PRRG1: variants seen among roughly 807,000 people sequenced by gnomAD.
PRRG1 encodes the protein proline rich and Gla domain 1.
Under a neutral mutation model 11.8 loss-of-function variants are expected in PRRG1, and 5 were observed. The observed-to-expected ratio is 0.42, with a 90% CI of 0.22 to 0.89. The LOEUF is 0.89. Among genes scored for constraint, PRRG1 ranks in the 40% least tolerant of loss-of-function variants. PRRG1 has a pLI of 0.28. For missense variants in PRRG1, 155 were observed against 166.1 expected, an observed-to-expected ratio of 0.93 and a Z score of 0.37; for synonymous variants, 66 against 60.4, an observed-to-expected ratio of 1.09 and a Z score of -0.43.
At chrX:37,375,820 T>C (rs1238355075) in intron 1 of PRRG1, among the ~76,000 whole-genome samples, 1 of 111,575 alleles carries the variant, frequency 9.0e-6, no homozygotes, top group Non-Finnish European at 1.9e-5. Flanking sequence ...CCTGATAGGG[T>C]TCCTGGAGCT....
intron 1 of PRRG1, among the ~76,000 whole-genome samples, chrX:37,389,995 C>G (rs782017253): frequency 3.8e-4 from 42 of 111,930 alleles, no homozygotes; most frequent in African/African-American, 1.3e-3. Flanking sequence ...GCTGCTATAA[C>G]AAAATACTTT....
intron 3 of PRRG1, among the ~76,000 whole-genome samples, chrX:37,434,915 A>G (rs1360647030): frequency 8.9e-6 from 1 of 111,771 alleles, no homozygotes; most frequent in Non-Finnish European, 1.9e-5. Context: ...AGAACTTTTA[A>G]TCGTATATAA....
In PRRG1 at chrX:37,425,953, T is replaced by C. The variant is rs1195605806; in HGVS notation, c.124T>C (p.Cys42Arg). ...TGAGCGTGAGTGCAAAGAAGAATTCTGTACATTTGAAGAAGCAAGAGAAGC... is the reference window on the plus strand; with the variant it reads ...TGAGCGTGAGTGCAAAGAAGAATTCCGTACATTTGAAGAAGCAAGAGAAGC... ...NIERECKEEF[C>R]TFEEAREAFE... is the part of the protein sequence containing the mutation. The change falls in exon 3 of 4, where the codon TGT (cysteine) becomes CGT (arginine). Residue 42 changes from cysteine (C) to arginine (R), a missense_variant. Cys to Arg is a radical substitution (Grantham distance 180). Coordinates refer to ENST00000378628, the MANE Select transcript of PRRG1 (RefSeq NM_001142395.2). 1 of 1,197,323 alleles carries C rather than the reference T, an allele frequency of 8.4e-7. No individual in the cohort carries two copies. Among genetic ancestry groups the C allele is most frequent in the Non-Finnish European group, 1.1e-6 (1 of 889,826 alleles).
chrX:37,426,610 G>A (rs937150547), intron 3 of PRRG1, among the ~76,000 whole-genome samples: 1 of 111,729 alleles, frequency 9.0e-6, no homozygotes, highest in Non-Finnish European at 1.9e-5. Context: ...TGCTAAACAA[G>A]TGGTGTCACT....
At chrX:37,433,057 T>G (rs1332590316) in intron 3 of PRRG1, among the ~76,000 whole-genome samples, 3 of 111,723 alleles carry the variant, frequency 2.7e-5, no homozygotes, top group Admixed American at 9.5e-5. Context: ...ACCTTTCTAC[T>G]TGTTATCACT....
intron 1 of PRRG1, among the ~76,000 whole-genome samples, chrX:37,400,012 C>G (rs1209898289): frequency 1.8e-5 from 2 of 110,337 alleles, no homozygotes; most frequent in Non-Finnish European, 3.8e-5. Flanking sequence ...AAGAGACTTA[C>G]ACTCCCACAC....
At chrX:37,354,987 C>A (rs1419057063) in intron 1 of PRRG1, among the ~76,000 whole-genome samples, 2 of 111,043 alleles carry the variant, frequency 1.8e-5, no homozygotes, top group Non-Finnish European at 3.8e-5. Context: ...ACACGGCTCA[C>A]TGAAGCCTCA....
intron 1 of PRRG1, among the ~76,000 whole-genome samples, chrX:37,377,295 G>A (rs1206112215): frequency 9.0e-6 from 1 of 111,631 alleles, no homozygotes; most frequent in Non-Finnish European, 1.9e-5. Context: ...GTAGGGAATA[G>A]TGGACCAGGT....
intron 1 of PRRG1, chrX:37,403,847 C>CT (rs781961314): frequency 3.4e-6 from 2 of 586,873 alleles, no homozygotes; most frequent in Non-Finnish European, 4.1e-6. Context: ...TTTTATCTCT[C>CT]TAAGAAAATT....
chrX:37,403,566 A>G (rs1289046667), intron 1 of PRRG1, among the ~76,000 whole-genome samples: 1 of 107,308 alleles, frequency 9.3e-6, no homozygotes, highest in African/African-American at 3.4e-5. Context: ...CCAGCATGGC[A>G]CATGTATACA....
At chrX:37,446,697 C>T (rs1569449933) in intron 3 of PRRG1, among the ~76,000 whole-genome samples, 1 of 111,406 alleles carries the variant, frequency 9.0e-6, no homozygotes, top group East Asian at 2.8e-4. Flanking sequence ...GCTGACAGTT[C>T]TGCAGGCTGG....
chrX:37,370,395 C>A lies in PRRG1; in HGVS notation c.-42+21000C>A, dbSNP rs185768382. Among the ~76,000 whole-genome samples the A allele has an allele frequency of 2.2e-3, 249 of 111,777 alleles. 1 individual carries two copies. Among genetic ancestry groups the A allele is most frequent in the African/African-American group, 7.6e-3 (233 of 30,762 alleles). ...GGCGCAGTGGCCCACCTAGAGCAGT[C>A]GCTGCCATGACACTGGCTGCAGTGG... On this transcript the variant is annotated intron_variant, in intron 1 of 3. Coordinates refer to ENST00000378628, the MANE Select transcript of PRRG1 (RefSeq NM_001142395.2).
chrX:37,409,201 A>G (rs1385434297), intron 2 of PRRG1, among the ~76,000 whole-genome samples: 1 of 112,251 alleles, frequency 8.9e-6, no homozygotes, highest in Non-Finnish European at 1.9e-5. Context: ...ACTAGAGAAT[A>G]GAAAATATTA....
chrX:37,376,490 A>T (rs1232776837), intron 1 of PRRG1, among the ~76,000 whole-genome samples: 2 of 82,095 alleles, frequency 2.4e-5, no homozygotes, highest in Non-Finnish European at 4.6e-5. Flanking sequence ...TTGTTTTTGG[A>T]TGGGCTGCTG....
At chrX:37,375,462 A>T (rs1930907089) in intron 1 of PRRG1, among the ~76,000 whole-genome samples, 1 of 112,187 alleles carries the variant, frequency 8.9e-6, no homozygotes, top group Non-Finnish European at 1.9e-5. Flanking sequence ...AAAAAGCAAT[A>T]AAGAATAACA....
intron 1 of PRRG1, among the ~76,000 whole-genome samples, chrX:37,360,776 C>T (rs1196491546): frequency 8.9e-6 from 1 of 112,340 alleles, no homozygotes; most frequent in Admixed American, 9.4e-5. Flanking sequence ...TATTGCAACA[C>T]CTTTCCTACA....
chrX:37,429,568 C>T (rs1392757143), intron 3 of PRRG1, among the ~76,000 whole-genome samples: 2 of 111,763 alleles, frequency 1.8e-5, no homozygotes, highest in East Asian at 2.8e-4. Flanking sequence ...CCTTATTGTT[C>T]ATATCACTAT....
chrX:37,350,872 T>C (rs1556364686), intron 1 of PRRG1, among the ~76,000 whole-genome samples: 1 of 110,663 alleles, frequency 9.0e-6, no homozygotes, highest in Non-Finnish European at 1.9e-5. Flanking sequence ...TTTATTGTTA[T>C]GTTATTCTTT....
chrX:37,417,723 GA>G (rs1292180015), intron 2 of PRRG1, among the ~76,000 whole-genome samples: 8 of 109,292 alleles, frequency 7.3e-5, no homozygotes, highest in African/African-American at 1.7e-4. Context: ...TATTTCAGCA[GA>G]AAAAAAAAGT....
Sources: gnomAD v4.1 joint callset for allele counts (sites outside exome capture counted in the v4.1 genomes callset) on GRCh38, gnomAD v4.1.1 for gene constraint, MANE v1.5 for transcripts, NCBI Gene and HGNC (gene_info 2026-07-23, HGNC 2026-07-21) for gene names.